Variants in LRRK1 observed in about 807,000 individuals in gnomAD.
LRRK1 encodes leucine-rich repeat serine/threonine-protein kinase 1.
LRRK1 carries 113 observed loss-of-function variants against 209.1 expected under a neutral mutation model. That is an observed-to-expected ratio of 0.54 (90% CI 0.46 to 0.63). The LOEUF (loss-of-function observed/expected upper bound fraction) is 0.63. LRRK1 is among the 30% of genes least tolerant of loss of function. The pLI, the probability that LRRK1 is intolerant of heterozygous loss-of-function variation, is 0.00. For missense variants in LRRK1, 2,284 were observed against 2,632.2 expected, an observed-to-expected ratio of 0.87 and a Z score of 2.89; for synonymous variants, 1,144 against 1,099.7, an observed-to-expected ratio of 1.04 and a Z score of -0.80.
In LRRK1 at chr15:100,996,130, G is replaced by A. The variant is rs537421438; in HGVS notation, c.762+6732G>A. Among the ~76,000 whole-genome samples the A allele has an allele frequency of 3.3e-5, 5 of 152,352 alleles. No homozygotes were observed. The East Asian group carries it at 9.6e-4, about 29-fold the overall frequency. On this transcript the variant is annotated intron_variant, in intron 6 of 33. Coordinates refer to ENST00000388948, the MANE Select transcript of LRRK1 (RefSeq NM_024652.6). ...GCTGGGGGCTGGTGGCCTTTCCTGA[G>A]GGACACCTGAGGCCTCTGGGGAACA...
chr15:100,950,860 T>G (rs569389365), intron 2 of LRRK1, among the ~76,000 whole-genome samples: 8 of 152,200 alleles, frequency 5.3e-5, no homozygotes, highest in Non-Finnish European at 8.8e-5. Context: ...TCCCAGCACT[T>G]TGGGAGGCCA....
intron 2 of LRRK1, among the ~76,000 whole-genome samples, chr15:100,929,206 C>T (rs1458779004): frequency 2.6e-5 from 4 of 152,146 alleles, no homozygotes; most frequent in Non-Finnish European, 4.4e-5. Context: ...GTGGAGAATA[C>T]TTGGGAAGAC....
intron 4 of LRRK1, among the ~76,000 whole-genome samples, chr15:100,986,630 T>A (rs1381783506): frequency 6.6e-6 from 1 of 152,218 alleles, no homozygotes; most frequent in East Asian, 1.9e-4. Flanking sequence ...GCTGCTTGCT[T>A]TCATTCAGTG....
chr15:101,029,136 T>G lies in LRRK1; in HGVS notation c.2867T>G (p.Met956Arg). The G allele has an allele frequency of 6.2e-7, 1 of 1,614,198 alleles. No individual in the cohort carries two copies. Among genetic ancestry groups the G allele is most frequent in the Non-Finnish European group, 8.5e-7 (1 of 1,180,030 alleles). ...NGVIRAEDLR[M>R]LLVGTGFTQQ... is the part of the protein sequence containing the mutation. ...GTGATCAGAGCAGAAGACCTCAGGATGCTGCTGGTGGGGACTGGCTTCACG... is the reference window on the plus strand; with the variant it reads ...GTGATCAGAGCAGAAGACCTCAGGAGGCTGCTGGTGGGGACTGGCTTCACG... The change falls in exon 20 of 34, where the codon ATG becomes AGG. Residue 956 changes from methionine to arginine, a missense_variant. Coordinates refer to ENST00000388948, the MANE Select transcript of LRRK1 (RefSeq NM_024652.6).
In LRRK1 at chr15:100,972,917, T is replaced by TACATACAC. The variant is rs1555462736; in HGVS notation, c.98-884_98-883insTACACACA. Among the ~76,000 whole-genome samples, 347 of 123,928 alleles carry TACATACAC rather than the reference T, an allele frequency of 2.8e-3. 3 individuals are homozygous for TACATACAC. Among genetic ancestry groups the TACATACAC allele is most frequent in the African/African-American group, 8.2e-3 (327 of 39,702 alleles). 81.3% of individuals were successfully genotyped at this position (123,928 alleles called of 152,430 possible). A position where few individuals can be genotyped will look rare whatever the true frequency, so the allele number is the denominator to read the frequency against. On this transcript the variant is annotated intron_variant, in intron 2 of 33. Coordinates refer to ENST00000388948, the MANE Select transcript of LRRK1 (RefSeq NM_024652.6). ...TTTGAATTTTGTCCTCGAAAAACTG[T>TACATACAC]ACACACACACACACACACACCCAGT... is the stretch of plus-strand genomic sequence containing the variant.
intron 2 of LRRK1, among the ~76,000 whole-genome samples, chr15:100,969,016 A>G (rs1274115982): frequency 6.6e-6 from 1 of 151,914 alleles, no homozygotes; most frequent in East Asian, 1.9e-4. Context: ...AATTTTTAAA[A>G]TGTTTTGTAG....
intron 12 of LRRK1, among the ~76,000 whole-genome samples, chr15:101,018,493 C>T (rs2033643994): frequency 7.2e-6 from 1 of 139,802 alleles, no homozygotes; most frequent in African/African-American, 2.7e-5. Flanking sequence ...ACGCAAGCCA[C>T]TTGCTGTGTG....
intron 20 of LRRK1, among the ~76,000 whole-genome samples, chr15:101,032,067 G>A (rs2034307894): frequency 6.6e-6 from 1 of 152,166 alleles, no homozygotes; most frequent in South Asian, 2.1e-4. Context: ...AGGTCTTTCT[G>A]ATTTTAGCTA....
At chr15:100,996,538 T>C (rs916572908) in intron 6 of LRRK1, among the ~76,000 whole-genome samples, 1 of 152,234 alleles carries the variant, frequency 6.6e-6, no homozygotes, top group Non-Finnish European at 1.5e-5. Context: ...TTCAGTCCAT[T>C]GTCCCACACA....
At chr15:101,011,584 A>ATGTGTGTG (rs10675651) in intron 9 of LRRK1, among the ~76,000 whole-genome samples, 1 of 150,730 alleles carries the variant, frequency 6.6e-6, no homozygotes, top group Non-Finnish European at 1.5e-5. Context: ...AGCATGAAGA[A>ATGTGTGTG]TGTGTGTGTG....
At chr15:101,009,731 G>T (rs771011520) in intron 7 of LRRK1, among the ~76,000 whole-genome samples, 19 of 152,102 alleles carry the variant, frequency 1.2e-4, no homozygotes, top group Non-Finnish European at 2.2e-4. Context: ...GGGATTACAG[G>T]CACATGCCAC....
chr15:101,008,722 C>A (rs2033097035), intron 6 of LRRK1, 115 bp from the exon 7 acceptor site: 3 of 800,786 alleles, frequency 3.7e-6, no homozygotes, highest in East Asian at 2.7e-5. Flanking sequence ...CTCTTGGGAC[C>A]CGGGCTGGAG....
intron 6 of LRRK1, among the ~76,000 whole-genome samples, chr15:100,993,769 T>C (rs2032274001): frequency 6.6e-6 from 1 of 152,242 alleles, no homozygotes; most frequent in South Asian, 2.1e-4. Flanking sequence ...GTACAACCTG[T>C]CCTATTAGTA....
At chr15:101,064,475 TGCCCCGGGGC>T (rs1323742420) in intron 31 of LRRK1, 1 of 152,746 alleles carries the variant, frequency 6.5e-6, no homozygotes, top group African/African-American at 2.4e-5. Flanking sequence ...CCCTGGGAGG[TGCCCCGGGGC>T]GGTCTGGGGT....
At chr15:101,025,082 G>A in intron 16 of LRRK1, 115 bp downstream of exon 16, 1 of 1,071,058 alleles carries the variant, frequency 9.3e-7, no homozygotes, top group Admixed American at 2.4e-5. Context: ...TTGCCACAGA[G>A]GGCCCCAGAA....
At chr15:100,941,404 G>GTGTGTCTGTGTGTGTGTGTGTGTC (rs1567190975) in intron 2 of LRRK1, among the ~76,000 whole-genome samples, 3 of 118,718 alleles carry the variant, frequency 2.5e-5, no homozygotes, top group Admixed American at 1.6e-4. Context: ...GTGTGTCTGT[G>GTGTGTCTGTGTGTGTGTGTGTGTC]TGTGTCTCTG....
chr15:101,072,008 G>A lies in LRRK1; in HGVS notation c.*3160G>A, dbSNP rs1247854825. Reference sequence around the variant, plus strand: ...GCCTGGCGTGGCTGCGGCCTTGAAGGAGGGGACTGTGCACACAGAATTGCA... The same window carrying A: ...GCCTGGCGTGGCTGCGGCCTTGAAGAAGGGGACTGTGCACACAGAATTGCA... On this transcript the variant is annotated 3_prime_UTR_variant, in exon 34 of 34. Transcript: ENST00000388948. 1 of 152,330 alleles carries A rather than the reference G, an allele frequency of 6.6e-6. No homozygotes were observed. Among genetic ancestry groups the A allele is most frequent in the African/African-American group, 2.4e-5 (1 of 41,468 alleles). 9.4% of individuals were successfully genotyped at this position (152,330 alleles called of 1,614,324 possible). A position where few individuals can be genotyped will look rare whatever the true frequency, so the allele number is the denominator to read the frequency against.
intron 2 of LRRK1, among the ~76,000 whole-genome samples, chr15:100,935,316 A>T (rs2042282386): frequency 6.6e-6 from 1 of 152,196 alleles, no homozygotes; most frequent in East Asian, 1.9e-4. Context: ...ACACAGAATG[A>T]AGTGAATGGA....
chr15:100,940,962 C>G (rs186442506), intron 2 of LRRK1, among the ~76,000 whole-genome samples: 75 of 152,336 alleles, frequency 4.9e-4, no homozygotes, highest in Middle Eastern at 3.4e-3. Context: ...GAGACATTGT[C>G]ACTGTCAGCT....
Sources: allele counts gnomAD v4.1 joint callset (sites outside exome capture counted in the v4.1 genomes callset), GRCh38; gene constraint gnomAD v4.1.1; transcripts MANE v1.5; gene names NCBI Gene and HGNC (gene_info 2026-07-23, HGNC 2026-07-21).